Variants in PLEKHG4B observed in about 807,000 individuals in gnomAD.
The protein encoded by PLEKHG4B is pleckstrin homology and RhoGEF domain containing G4B.
A neutral mutation model predicts 121.3 loss-of-function variants in PLEKHG4B; 111 were observed. The ratio of observed to expected loss-of-function variants is 0.92; its 90% CI spans 0.78 to 1.07. The LOEUF is 1.07. Among genes scored for constraint, PLEKHG4B ranks in the 50% least tolerant of loss-of-function variants. The pLI, the probability that PLEKHG4B is intolerant of heterozygous loss-of-function variation, is 0.00. For missense variants in PLEKHG4B, 1,831 were observed against 1,757.8 expected (o/e 1.04, Z -0.74); for synonymous variants, 738 against 725.0 (o/e 1.02, Z -0.29).
chr5:150,443 A>C (rs1223418568), intron 6 of PLEKHG4B, among the ~76,000 whole-genome samples: 2 of 152,206 alleles, frequency 1.3e-5, no homozygotes, highest in African/African-American at 4.8e-5. Context: ...TGGTGGTTGC[A>C]CTACGTTATG....
intron 2 of PLEKHG4B, among the ~76,000 whole-genome samples, chr5:138,959 C>G (rs552498784): frequency 2.0e-5 from 3 of 152,342 alleles, no homozygotes; most frequent in Non-Finnish European, 4.4e-5. Context: ...AGAGAAAATA[C>G]TGAAGTGAAA....
chr5:124,265 C>G (rs894349880), intron 2 of PLEKHG4B, among the ~76,000 whole-genome samples: 4 of 151,950 alleles, frequency 2.6e-5, no homozygotes, highest in Admixed American at 1.3e-4. Flanking sequence ...AACATATGTT[C>G]TACCCTGGAA....
chr5:159,960 C>G lies in PLEKHG4B; in HGVS notation c.2488-1823C>G, dbSNP rs1436159280. Reference sequence around the variant, plus strand: ...TCTCTGCCCACCGTGCTGAGTGTTACGCCTTGGAAGATGCTTGCAGGGCTT... The same window carrying G: ...TCTCTGCCCACCGTGCTGAGTGTTAGGCCTTGGAAGATGCTTGCAGGGCTT... On this transcript the variant is annotated intron_variant, in intron 11 of 19. Transcript: ENST00000637938. The surrounding 1 kb of genome is among the most constrained non-coding windows in gnomAD (Gnocchi z 5.5). 2.0e-5 allele frequency among the ~76,000 whole-genome samples: 3 copies of G among 152,206 alleles called. No individual in the cohort carries two copies. The highest frequency in any genetic ancestry group is 7.2e-5 in the African/African-American group (3 of 41,444).
chr5:133,510 T>A (rs944446574), intron 2 of PLEKHG4B, among the ~76,000 whole-genome samples: 1 of 152,072 alleles, frequency 6.6e-6, no homozygotes, highest in Non-Finnish European at 1.5e-5. Context: ...GATATACAGA[T>A]GACCAACAAA....
rs1735078094 is a variant in PLEKHG4B, at chr5:139,343, AG to A, written c.244-138del. ...TGACCTGCTTTATGTTCCAAGGAAC[AG>A]GACACCCCAGCCCCCGTGAGACCCC... On this transcript the variant is annotated intron_variant, in intron 2 of 19. Coordinates refer to ENST00000637938, the MANE Select transcript of PLEKHG4B (RefSeq NM_052909.5). The surrounding 1 kb of genome is among the most constrained non-coding windows in gnomAD (Gnocchi z 5.0). The A allele has an allele frequency of 2.5e-6, 1 of 398,014 alleles. No homozygotes were observed. Among genetic ancestry groups the A allele is most frequent in the East Asian group, 3.6e-5 (1 of 28,086 alleles). The allele number at this position is 398,014 out of a possible 1,614,324, so 24.7% of individuals were successfully genotyped here. A position where few individuals can be genotyped will look rare whatever the true frequency, so the allele number is the denominator to read the frequency against.
At chr5:181,407 G>T in intron 18 of PLEKHG4B, 107 bp from the exon 19 acceptor site, 1 of 1,249,508 alleles carries the variant, frequency 8.0e-7, no homozygotes, top group Non-Finnish European at 1.1e-6. Flanking sequence ...GGTATACCCT[G>T]TACACCCTCC....
chr5:135,685 ATAT>A lies in PLEKHG4B; in HGVS notation c.244-3797_244-3795del, dbSNP rs1734957127. The stretch of plus-strand genomic sequence containing the variant: ...CATCTCAAAAAAAAAAAAAAAAAAT[ATAT>A]ATATATATATATATATATATATATA... On this transcript the variant is annotated intron_variant, in intron 2 of 19. Transcript: ENST00000637938. Among the ~76,000 whole-genome samples, 93 of 31,030 alleles carry A rather than the reference ATAT, an allele frequency of 3.0e-3. 1 individual carries two copies. Among genetic ancestry groups the A allele is most frequent in the African/African-American group, 7.8e-3 (49 of 6,282 alleles). 20.4% of individuals were successfully genotyped at this position (31,030 alleles called of 152,430 possible).
rs1474389812 is a variant in PLEKHG4B, at chr5:171,451, G to A, written c.4050+7G>A. The A allele has an allele frequency of 6.3e-7, 1 of 1,578,740 alleles. No individual in the cohort carries two copies. Among genetic ancestry groups the A allele is most frequent in the Non-Finnish European group, 8.6e-7 (1 of 1,163,596 alleles). On this transcript the variant is annotated splice_region_variant and intron_variant, in intron 16 of 19. Coordinates refer to ENST00000637938, the MANE Select transcript of PLEKHG4B (RefSeq NM_052909.5). ...CGCCATCCGCGGCTGTGACGTAAGT[G>A]CCTCAGACGCTGGCAGCTCAGGCAA...
intron 2 of PLEKHG4B, among the ~76,000 whole-genome samples, chr5:135,561 G>A (rs1355618098): frequency 1.3e-5 from 2 of 148,732 alleles, no homozygotes; most frequent in African/African-American, 2.5e-5. Context: ...AGCTACTGGG[G>A]AGGCTGAGGC....
At chr5:135,712 T>G (rs1438286704) in intron 2 of PLEKHG4B, among the ~76,000 whole-genome samples, 4 of 106,822 alleles carry the variant, frequency 3.7e-5, no homozygotes, top group African/African-American at 1.5e-4. Context: ...TATATATATA[T>G]ATATATATAT....
rs563333653 is a variant in PLEKHG4B at position 92,657 on chromosome 5, A to T, written c.45+381A>T. Among the ~76,000 whole-genome samples the T allele has an allele frequency of 7.6e-4, 115 of 151,002 alleles. 1 individual carries two copies. In the Middle Eastern group the frequency reaches 0.01, roughly 13 times the overall value. ...TTCTTCAGGCACCCTTTTCCTTGTAACCTCGTGAATACTCGGGAGAAGAAA... is the reference window on the plus strand; with the variant it reads ...TTCTTCAGGCACCCTTTTCCTTGTATCCTCGTGAATACTCGGGAGAAGAAA... On this transcript the variant is annotated intron_variant, in intron 1 of 19. Transcript: ENST00000637938.
intron 2 of PLEKHG4B, among the ~76,000 whole-genome samples, chr5:118,606 A>T (rs1734374497): frequency 6.6e-6 from 1 of 152,254 alleles, no homozygotes; most frequent in East Asian, 1.9e-4. Flanking sequence ...GTTGGAATCA[A>T]CCTCTTCTAA....
chr5:157,075 G>GAAATA lies in PLEKHG4B; in HGVS notation c.2487+167_2487+171dup. On this transcript the variant is annotated intron_variant, in intron 11 of 19. Transcript: ENST00000637938. This position sits in a 1 kb window ranked among gnomAD's most constrained non-coding sequence, Gnocchi z 4.6. Reference sequence around the variant, plus strand: ...GCATGCCTTGCTGCTTGTGTAAAAAGAAATAAATTTTATTTTTTACGTGAG... The same window carrying GAAATA: ...GCATGCCTTGCTGCTTGTGTAAAAAGAAATAAAATAAATTTTATTTTTTACGTGAG... 9.3e-7 allele frequency: 1 copy of GAAATA among 1,074,994 alleles called. No individual in the cohort carries two copies. The highest frequency in any genetic ancestry group is 1.5e-5 in the South Asian group (1 of 67,802). The allele number at this position is 1,074,994 out of a possible 1,614,324, so 66.6% of individuals were successfully genotyped here. A position where few individuals can be genotyped will look rare whatever the true frequency, so the allele number is the denominator to read the frequency against.
chr5:164,061 T>G (rs1024856535), intron 13 of PLEKHG4B, among the ~76,000 whole-genome samples: 1 of 152,260 alleles, frequency 6.6e-6, no homozygotes, highest in African/African-American at 2.4e-5. Flanking sequence ...GGATGCCGTC[T>G]GAACCTCCAT....
chr5:181,734 AG>A, intron 19 of PLEKHG4B, 59 bp downstream of exon 19: 1 of 1,572,468 alleles, frequency 6.4e-7, no homozygotes, highest in Non-Finnish European at 8.6e-7. Flanking sequence ...CCTGTCATCA[AG>A]GGCATGGGTA....
intron 19 of PLEKHG4B, 106 bp downstream of exon 19, chr5:181,781 G>A (rs1733394677): frequency 4.1e-6 from 6 of 1,468,328 alleles, no homozygotes; most frequent in Non-Finnish European, 4.6e-6. Flanking sequence ...CGCCCACAGA[G>A]TGCACCAGGC....
intron 13 of PLEKHG4B, among the ~76,000 whole-genome samples, chr5:164,660 GCT>G (rs1560945116): frequency 3.2e-5 from 4 of 124,892 alleles, no homozygotes; most frequent in East Asian, 2.2e-4. Context: ...GACGGGCGGA[GCT>G]CACACTAATA....
chr5:94,596 GC>G (rs1415472934), intron 1 of PLEKHG4B, among the ~76,000 whole-genome samples: 2 of 109,594 alleles, frequency 1.8e-5, no homozygotes, highest in African/African-American at 9.2e-5. Flanking sequence ...GGCTGGCGGG[GC>G]TGGAGGGGGT....
intron 18 of PLEKHG4B, among the ~76,000 whole-genome samples, chr5:181,237 C>T (rs1350023512): frequency 2.0e-5 from 3 of 152,162 alleles, no homozygotes. Context: ...GACAGGAACC[C>T]TTCCTCACCC....
Sources: allele counts gnomAD v4.1 joint callset (sites outside exome capture counted in the v4.1 genomes callset), GRCh38; gene constraint gnomAD v4.1.1; non-coding constraint Gnocchi (gnomAD v3.1); transcripts MANE v1.5; gene names NCBI Gene and HGNC (gene_info 2026-07-23, HGNC 2026-07-21).